The following ZMAT1 variants were observed in gnomAD, a reference collection of about 807,000 sequenced individuals.
ZMAT1 encodes the protein zinc finger matrin-type protein 1.
A neutral mutation model predicts 18.5 loss-of-function variants in ZMAT1; 11 were observed. The ratio of observed to expected loss-of-function variants is 0.59; its 90% confidence interval spans 0.37 to 0.98. ZMAT1 has a LOEUF of 0.98. Among genes scored for constraint, ZMAT1 ranks in the 50% least tolerant of loss-of-function variants. ZMAT1 has a pLI of 0.01. For missense variants in ZMAT1, 525 were observed against 496.2 expected, an observed-to-expected ratio of 1.06 and a Z score of -0.55; for synonymous variants, 211 against 176.4, an observed-to-expected ratio of 1.20 and a Z score of -1.55.
intron 1 of ZMAT1, among the ~76,000 whole-genome samples, chrX:101,913,193 T>C (rs1445881088): frequency 9.0e-6 from 1 of 111,007 alleles, no homozygotes; most frequent in Non-Finnish European, 1.9e-5. Flanking sequence ...ATAGATACAC[T>C]AAAAATAAAA....
intron 2 of ZMAT1, 136 bp downstream of exon 2, chrX:101,904,085 TCTC>T (rs1349534837): frequency 2.4e-6 from 1 of 419,382 alleles, no homozygotes; most frequent in Admixed American, 5.1e-5. Context: ...TCTGAGCCAA[TCTC>T]CTCATCCATC....
chrX:101,909,842 G>C, intron 1 of ZMAT1, among the ~76,000 whole-genome samples: 2 of 112,489 alleles, frequency 1.8e-5, no homozygotes. Flanking sequence ...CAGAGATTAG[G>C]GGACCTCGCC....
intron 1 of ZMAT1, among the ~76,000 whole-genome samples, chrX:101,920,874 A>G (rs1185638664): frequency 1.8e-5 from 2 of 111,502 alleles, no homozygotes; most frequent in East Asian, 5.6e-4. Flanking sequence ...TCGGATGGGA[A>G]TCGTTGCCCT....
At chrX:101,915,799 G>A (rs1405628587) in intron 1 of ZMAT1, 1 of 112,052 alleles carries the variant, frequency 8.9e-6, no homozygotes, top group Non-Finnish European at 1.9e-5. Flanking sequence ...TGGTGTGAAT[G>A]CAAATTATTT....
chrX:101,893,861 T>C (rs1927609643), intron 4 of ZMAT1, among the ~76,000 whole-genome samples: 1 of 111,362 alleles, frequency 9.0e-6, no homozygotes, highest in African/African-American at 3.3e-5. Context: ...AGGGTAATAG[T>C]TTCTGGCAAC....
At chrX:101,894,595 G>A in intron 4 of ZMAT1, 1 of 548,335 alleles carries the variant, frequency 1.8e-6, no homozygotes, top group Non-Finnish European at 2.2e-6. Flanking sequence ...TGAAATCAGG[G>A]AAATAGAAAT....
chrX:101,906,801 C>T (rs1020181905), intron 1 of ZMAT1, among the ~76,000 whole-genome samples: 1 of 111,135 alleles, frequency 9.0e-6, no homozygotes, highest in Non-Finnish European at 1.9e-5. Context: ...TAGCTCCAGG[C>T]ATTGGGCTAG....
chrX:101,896,508 T>A (rs757532671), intron 4 of ZMAT1, among the ~76,000 whole-genome samples: 1 of 112,201 alleles, frequency 8.9e-6, no homozygotes, highest in East Asian at 2.8e-4. Flanking sequence ...AGACTAAATT[T>A]AAAAAAATAA....
chrX:101,915,100 T>C (rs1929233547), intron 1 of ZMAT1, among the ~76,000 whole-genome samples: 1 of 111,912 alleles, frequency 8.9e-6, no homozygotes, highest in Admixed American at 9.5e-5. Context: ...ATCATTTCAA[T>C]TGATGCTGAC....
intron 5 of ZMAT1, among the ~76,000 whole-genome samples, chrX:101,885,157 C>T (rs1339100181): frequency 3.6e-5 from 4 of 110,197 alleles, no homozygotes; most frequent in African/African-American, 9.9e-5. Context: ...AAAGGGAAGA[C>T]GGGTATAAAG....
chrX:101,931,128 C>A (rs750658505), intron 1 of ZMAT1, among the ~76,000 whole-genome samples: 1 of 111,964 alleles, frequency 8.9e-6, no homozygotes, highest in Non-Finnish European at 1.9e-5. Flanking sequence ...TCCGACAGAT[C>A]CTACTTTAAA....
At chrX:101,905,775 G>T (rs1280239037) in intron 1 of ZMAT1, among the ~76,000 whole-genome samples, 1 of 109,703 alleles carries the variant, frequency 9.1e-6, no homozygotes, top group Non-Finnish European at 1.9e-5. Flanking sequence ...AAACTATTAG[G>T]ACGGACATCA....
intron 1 of ZMAT1, among the ~76,000 whole-genome samples, chrX:101,922,828 C>T (rs1280608215): frequency 9.0e-6 from 1 of 111,722 alleles, no homozygotes; most frequent in Non-Finnish European, 1.9e-5. Flanking sequence ...AAAAAAATGA[C>T]CAATAGCCAA....
chrX:101,894,316 T>A, intron 4 of ZMAT1: 1 of 480,412 alleles, frequency 2.1e-6, no homozygotes, highest in Non-Finnish European at 2.6e-6. Context: ...AGGAAAGATC[T>A]TGAGGACCTG....
rs773556113 is a variant in ZMAT1 at position 101,925,708 on chromosome X, C to T, written c.292+6009G>A. ...GTATGCTTGTTCACTAATCCAGAAG[C>T]TTTGCATTTTTTACTTAATATTATA... On this transcript the variant is annotated intron_variant, in intron 1 of 5. Transcript: ENST00000651725. Among the ~76,000 whole-genome samples, 39 of 112,675 alleles carry T rather than the reference C, an allele frequency of 3.5e-4. 1 individual carries two copies. Among genetic ancestry groups the T allele is most frequent in the African/African-American group, 1.3e-3 (39 of 31,074 alleles).
At chrX:101,900,131 A>G (rs1234171062) in intron 2 of ZMAT1, among the ~76,000 whole-genome samples, 1 of 111,496 alleles carries the variant, frequency 9.0e-6, no homozygotes, top group Non-Finnish European at 1.9e-5. Flanking sequence ...TCATGTCCTT[A>G]GCCCACTTTT....
chrX:101,906,728 T>C (rs1928647938), intron 1 of ZMAT1, among the ~76,000 whole-genome samples: 1 of 109,502 alleles, frequency 9.1e-6, no homozygotes, highest in Admixed American at 9.5e-5. Context: ...GCCTCTAAGC[T>C]AGCCCTTGCA....
Position 101,884,372 on chromosome X carries a change from C to G in ZMAT1, c.1226G>C (p.Cys409Ser), listed in dbSNP as rs866887461. 2.5e-6 allele frequency: 3 copies of G among 1,208,944 alleles called. No individual in the cohort carries two copies. The highest frequency in any genetic ancestry group is 4.4e-5 in the Admixed American group (2 of 45,584). The change falls in exon 6 of 6, where the codon TGT becomes TCT. Residue 409 changes from cysteine to serine, a missense_variant. Transcript: ENST00000651725. ...MVDSGPRSRM[C>S]EQRFSHEASQ... Reference sequence around the variant, plus strand: ...AGCCTCATGTGAAAATCTTTGCTCACACATTCTTGATCTGGGTCCAGAATC... The same window carrying G: ...AGCCTCATGTGAAAATCTTTGCTCAGACATTCTTGATCTGGGTCCAGAATC...
intron 1 of ZMAT1, among the ~76,000 whole-genome samples, chrX:101,930,002 C>G (rs940117959): frequency 8.9e-6 from 1 of 112,004 alleles, no homozygotes; most frequent in South Asian, 3.7e-4. Context: ...GCATCACACT[C>G]CTATGCCAGG....
Sources: allele counts gnomAD v4.1 joint callset (sites outside exome capture counted in the v4.1 genomes callset), GRCh38; gene constraint gnomAD v4.1.1; transcripts MANE v1.5; gene names NCBI Gene and HGNC (gene_info 2026-07-23, HGNC 2026-07-21).